The following SLIT2 variants were observed in gnomAD, a reference collection of about 807,000 sequenced individuals.
The protein encoded by SLIT2 is slit guidance ligand 2.
SLIT2 carries 41 observed loss-of-function variants against 185.7 expected under a neutral mutation model. The ratio of observed to expected loss-of-function variants is 0.22; its 90% CI spans 0.17 to 0.29. The LOEUF (loss-of-function observed/expected upper bound fraction) is 0.29. Ranked by LOEUF, SLIT2 falls within the 10% of genes least tolerant of loss-of-function variation. The pLI is 1.00. For missense variants in SLIT2, 1,571 were observed against 1,909.0 expected, an observed-to-expected ratio of 0.82 and a Z score of 3.30; for synonymous variants, 693 against 680.2, an observed-to-expected ratio of 1.02 and a Z score of -0.29.
intron 4 of SLIT2, among the ~76,000 whole-genome samples, chr4:20,409,897 T>A (rs1403051544): frequency 6.6e-6 from 1 of 152,220 alleles, no homozygotes; most frequent in Non-Finnish European, 1.5e-5. Context: ...TCATGTCCTT[T>A]GACCACTTTT....
intron 4 of SLIT2, among the ~76,000 whole-genome samples, chr4:20,409,838 T>C (rs535909968): frequency 8.1e-4 from 124 of 152,384 alleles, no homozygotes; most frequent in African/African-American, 2.8e-3. Context: ...TGGATTTTTT[T>C]TCATATGTTT....
In SLIT2 at chr4:20,610,296, T is replaced by C. The variant is rs1403730637; in HGVS notation, c.3847+129T>C. 49 of 747,076 alleles carry C rather than the reference T, an allele frequency of 6.6e-5. No individual in the cohort carries two copies. In the East Asian group the frequency reaches 1.4e-3, roughly 21 times the overall value. The allele number at this position is 747,076 out of a possible 1,614,324, so 46.3% of individuals were successfully genotyped here. ...CCAATAGTGATCAATCATTGAAAGATGGATGGCAAAGACAGAACAGAAAGA... is the reference window on the plus strand; with the variant it reads ...CCAATAGTGATCAATCATTGAAAGACGGATGGCAAAGACAGAACAGAAAGA... On this transcript the variant is annotated intron_variant, in intron 34 of 36. Coordinates refer to ENST00000504154, the MANE Select transcript of SLIT2 (RefSeq NM_004787.4).
At chr4:20,320,229 A>G (rs992876432) in intron 4 of SLIT2, among the ~76,000 whole-genome samples, 2 of 152,186 alleles carry the variant, frequency 1.3e-5, no homozygotes, top group Non-Finnish European at 2.9e-5. Context: ...ACCAACTGCT[A>G]TATTCCCAGC....
chr4:20,601,974 CTGCT>C (rs1262438894), intron 33 of SLIT2, among the ~76,000 whole-genome samples: 1 of 152,026 alleles, frequency 6.6e-6, no homozygotes, highest in Non-Finnish European at 1.5e-5. Flanking sequence ...TTTCAATTGC[CTGCT>C]TAATTCTCCA....
intron 4 of SLIT2, among the ~76,000 whole-genome samples, chr4:20,417,603 C>T (rs185976458): frequency 6.6e-6 from 1 of 151,590 alleles, no homozygotes; most frequent in Admixed American, 6.6e-5. Flanking sequence ...CTCACTGTAG[C>T]CTCTGCCTCC....
At chr4:20,467,394 C>G (rs1159980930) in intron 4 of SLIT2, among the ~76,000 whole-genome samples, 3 of 152,024 alleles carry the variant, frequency 2.0e-5, no homozygotes, top group African/African-American at 7.2e-5. Context: ...ATATAAACTA[C>G]TAAAACCTCA....
intron 4 of SLIT2, among the ~76,000 whole-genome samples, chr4:20,461,784 G>C (rs1713743728): frequency 6.6e-6 from 1 of 152,184 alleles, no homozygotes; most frequent in Admixed American, 6.5e-5. Flanking sequence ...TAACTGAGAT[G>C]AGAAGGCTTC....
At position 20,511,118 on chromosome 4, in the gene SLIT2, C is replaced by T. The variant is rs1195527615; in HGVS notation, c.1039C>T (p.Leu347=). ...ACTTGCACCAGATGCTTTCCAAGGACTACGCTCTCTGAATTCACTGTAAGT... is the reference window on the plus strand; with the variant it reads ...ACTTGCACCAGATGCTTTCCAAGGATTACGCTCTCTGAATTCACTGTAAGT... ...SELAPDAFQG[L]RSLNSLVLYG... The change falls in exon 11 of 37, where the codon CTA becomes TTA. Residue 347 remains leucine (L), a synonymous_variant. Transcript: ENST00000504154. 6.2e-7 allele frequency: 1 copy of T among 1,601,914 alleles called. No homozygotes were observed. Among genetic ancestry groups the T allele is most frequent in the East Asian group, 2.2e-5 (1 of 44,780 alleles).
At chr4:20,448,981 G>A (rs1300044140) in intron 4 of SLIT2, among the ~76,000 whole-genome samples, 3 of 152,228 alleles carry the variant, frequency 2.0e-5, no homozygotes, top group Non-Finnish European at 4.4e-5. Flanking sequence ...AGAGTGACAG[G>A]AAAAAATATT....
chr4:20,512,680 T>C (rs889581101), intron 11 of SLIT2, among the ~76,000 whole-genome samples: 4 of 152,282 alleles, frequency 2.6e-5, no homozygotes, highest in African/African-American at 7.2e-5. Flanking sequence ...AGAGTAAACA[T>C]TGACAAACTC....
chr4:20,380,602 T>G lies in SLIT2; in HGVS notation c.396-87150T>G, dbSNP rs559374846. On this transcript the variant is annotated intron_variant, in intron 4 of 36. Coordinates refer to ENST00000504154, the MANE Select transcript of SLIT2 (RefSeq NM_004787.4). ...AAAGATAAGAAAAGATGCAAGTCAG[T>G]CTCAACAGATGAAAAATATATAAAA... Among the ~76,000 whole-genome samples, 86 of 152,094 alleles carry G rather than the reference T, an allele frequency of 5.7e-4. No individual in the cohort carries two copies. In the South Asian group the frequency reaches 0.014, roughly 25 times the overall value.
At position 20,484,798 on chromosome 4, in the gene SLIT2, C is replaced by T. The variant is rs1159685513; in HGVS notation, c.540-1402C>T. Among the ~76,000 whole-genome samples, 1 of 152,154 alleles carries T rather than the reference C, an allele frequency of 6.6e-6. No homozygotes were observed. The highest frequency in any genetic ancestry group is 1.5e-5 in the Non-Finnish European group (1 of 68,002). On this transcript the variant is annotated intron_variant, in intron 6 of 36. Transcript: ENST00000504154. This position sits in a 1 kb window ranked among gnomAD's most constrained non-coding sequence, Gnocchi z 4.3. ...AAATCTGATTGTTTGACAGCCCTCC[C>T]TTACAGCAGGTCAGTAGTCCATTGG...
chr4:20,492,708 G>T (rs887600738), intron 9 of SLIT2, among the ~76,000 whole-genome samples: 2 of 152,014 alleles, frequency 1.3e-5, no homozygotes, highest in African/African-American at 4.8e-5. Context: ...AAATTATCTT[G>T]GATTTTTGGT....
intron 4 of SLIT2, among the ~76,000 whole-genome samples, chr4:20,349,123 C>A (rs1285636934): frequency 6.6e-6 from 1 of 152,076 alleles, no homozygotes; most frequent in Non-Finnish European, 1.5e-5. Context: ...TATAGGAATT[C>A]GGTGTGGACA....
At chr4:20,262,923 C>G (rs2322461) in intron 3 of SLIT2, among the ~76,000 whole-genome samples, 101,996 of 151,500 alleles carry the variant, frequency 0.67, 34,433 homozygotes, top group East Asian at 0.81. Flanking sequence ...TGCTCTTTGT[C>G]GACCATTTTA....
At chr4:20,256,353 A>G (rs1386628723) in intron 1 of SLIT2, among the ~76,000 whole-genome samples, 4 of 152,056 alleles carry the variant, frequency 2.6e-5, no homozygotes, top group Admixed American at 1.3e-4. Flanking sequence ...AAATAGCAGA[A>G]TACCTGTGAA....
intron 4 of SLIT2, among the ~76,000 whole-genome samples, chr4:20,376,542 A>G (rs1354886226): frequency 6.6e-6 from 1 of 152,014 alleles, no homozygotes; most frequent in Admixed American, 6.6e-5. Flanking sequence ...GCATCAGTTT[A>G]TTTTTCTACT....
intron 15 of SLIT2, among the ~76,000 whole-genome samples, chr4:20,527,661 G>C (rs954168847): frequency 2.0e-5 from 3 of 152,082 alleles, no homozygotes; most frequent in African/African-American, 4.8e-5. Context: ...TTTCTTGTGA[G>C]ACCACCGTGC....
At chr4:20,276,486 C>T (rs1251957705) in intron 4 of SLIT2, among the ~76,000 whole-genome samples, 2 of 152,100 alleles carry the variant, frequency 1.3e-5, no homozygotes, top group African/African-American at 4.8e-5. Flanking sequence ...TAGGGTACAG[C>T]ATAGAGGTGT....
Sources: allele counts gnomAD v4.1 joint callset (sites outside exome capture counted in the v4.1 genomes callset), GRCh38; gene constraint gnomAD v4.1.1; non-coding constraint Gnocchi (gnomAD v3.1); transcripts MANE v1.5; gene names NCBI Gene and HGNC (gene_info 2026-07-23, HGNC 2026-07-21).